Variants in PDE4B observed in about 807,000 individuals in gnomAD.
PDE4B encodes the protein 3',5'-cyclic-AMP phosphodiesterase 4B.
A neutral mutation model predicts 82.2 loss-of-function variants in PDE4B; 20 were observed. That is an observed-to-expected ratio of 0.24 (90% confidence interval 0.17 to 0.35). The LOEUF is 0.35. Among genes scored for constraint, PDE4B ranks in the 10% least tolerant of loss-of-function variants. PDE4B has a pLI of 1.00. For missense variants in PDE4B, 655 were observed against 907.2 expected (o/e 0.72, Z 3.57); for synonymous variants, 320 against 318.9 (o/e 1.00, Z -0.04).
intron 1 of PDE4B, among the ~76,000 whole-genome samples, chr1:65,838,473 C>CTA (rs780110235): frequency 3.4e-5 from 5 of 146,794 alleles, no homozygotes; most frequent in Admixed American, 2.7e-4. Context: ...TAGATTGTCA[C>CTA]TATATATATA....
chr1:66,245,807 C>T (rs919136222), intron 3 of PDE4B, among the ~76,000 whole-genome samples: 2 of 152,200 alleles, frequency 1.3e-5, no homozygotes, highest in Non-Finnish European at 2.9e-5. Flanking sequence ...TCTTATCAGA[C>T]ACCTGGAGTT....
intron 7 of PDE4B, among the ~76,000 whole-genome samples, chr1:66,273,248 A>T (rs1337969009): frequency 6.6e-6 from 1 of 152,186 alleles, no homozygotes; most frequent in Non-Finnish European, 1.5e-5. Context: ...CACTGAATAT[A>T]CATCCCTGAA....
At position 66,321,243 on chromosome 1, in the gene PDE4B, C is replaced by T. The variant is rs570937582; in HGVS notation, c.635-11265C>T. 1.1e-4 allele frequency among the ~76,000 whole-genome samples: 16 copies of T among 152,288 alleles called. 1 individual carries two copies. In the South Asian group the frequency reaches 3.1e-3, roughly 30 times the overall value. On this transcript the variant is annotated intron_variant, in intron 7 of 16. Coordinates refer to ENST00000341517, the MANE Select transcript of PDE4B (RefSeq NM_002600.4). ...ATAAACTGAATGAACTCAAAATACA[C>T]TAACAAAATTACATTTCTGGACCTG...
chr1:66,340,208 A>G (rs1660870542), intron 8 of PDE4B, among the ~76,000 whole-genome samples: 2 of 152,166 alleles, frequency 1.3e-5, no homozygotes, highest in Non-Finnish European at 2.9e-5. Context: ...GTTTCCCTCA[A>G]GTGGTGCCAA....
intron 3 of PDE4B, among the ~76,000 whole-genome samples, chr1:66,164,604 C>T (rs1281022623): frequency 1.4e-5 from 2 of 147,494 alleles, no homozygotes; most frequent in Middle Eastern, 3.6e-3. Flanking sequence ...AAAAGACCAG[C>T]GATCTCTATT....
At chr1:66,115,279 C>T (rs1645573283) in intron 3 of PDE4B, among the ~76,000 whole-genome samples, 1 of 152,164 alleles carries the variant, frequency 6.6e-6, no homozygotes, top group Admixed American at 6.5e-5. Context: ...ACACCAATGC[C>T]CCGTTTTCAC....
intron 3 of PDE4B, among the ~76,000 whole-genome samples, chr1:66,068,412 AT>A (rs1431719244): frequency 6.6e-6 from 1 of 151,978 alleles, no homozygotes; most frequent in Non-Finnish European, 1.5e-5. Context: ...AATTGATAAG[AT>A]TTTGAGAGAA....
At chr1:65,888,030 T>A (rs1646812031) in intron 1 of PDE4B, among the ~76,000 whole-genome samples, 1 of 152,166 alleles carries the variant, frequency 6.6e-6, no homozygotes, top group Non-Finnish European at 1.5e-5. Flanking sequence ...TCTAGACCTA[T>A]GTCCAGAAGT....
At chr1:65,889,359 T>A (rs1387042421) in intron 1 of PDE4B, among the ~76,000 whole-genome samples, 1 of 152,098 alleles carries the variant, frequency 6.6e-6, no homozygotes, top group African/African-American at 2.4e-5. Flanking sequence ...GGATTTATGT[T>A]TCTCTGTTCC....
intron 1 of PDE4B, among the ~76,000 whole-genome samples, chr1:65,872,246 T>TCCC (rs1434919922): frequency 2.6e-5 from 4 of 152,208 alleles, no homozygotes; most frequent in Non-Finnish European, 5.9e-5. Context: ...CTGAAATCAT[T>TCCC]CTCAGGAAAG....
chr1:65,909,319 G>T (rs1003239725), intron 1 of PDE4B, among the ~76,000 whole-genome samples: 7 of 152,050 alleles, frequency 4.6e-5, no homozygotes, highest in African/African-American at 1.7e-4. Context: ...GCATGGTTTT[G>T]TCTAGCATGT....
At chr1:66,107,541 C>G (rs905129119) in intron 3 of PDE4B, among the ~76,000 whole-genome samples, 1 of 151,834 alleles carries the variant, frequency 6.6e-6, no homozygotes, top group Non-Finnish European at 1.5e-5. Flanking sequence ...ACCTGCCTTC[C>G]CATGAGACTT....
chr1:65,965,628 A>G (rs1337295450), intron 3 of PDE4B, among the ~76,000 whole-genome samples: 2 of 152,108 alleles, frequency 1.3e-5, no homozygotes, highest in African/African-American at 4.8e-5. Context: ...TGTAAATATT[A>G]TCAACCAGGA....
At chr1:65,970,522 A>C (rs1237478291) in intron 3 of PDE4B, among the ~76,000 whole-genome samples, 1 of 152,178 alleles carries the variant, frequency 6.6e-6, no homozygotes, top group African/African-American at 2.4e-5. Context: ...TGATTTGGTA[A>C]GGACTTAAAA....
chr1:66,146,518 G>A lies in PDE4B; in HGVS notation c.282-100942G>A, dbSNP rs1041133127. ...TGATTTTATGGACTTAGTCTACCAT[G>A]ACTTTTTCCCTTGGATGAGCAGCTA... On this transcript the variant is annotated intron_variant, in intron 3 of 16. Coordinates refer to ENST00000341517, the MANE Select transcript of PDE4B (RefSeq NM_002600.4). 5.3e-5 allele frequency among the ~76,000 whole-genome samples: 8 copies of A among 152,174 alleles called. No homozygotes were observed. The South Asian group carries it at 1.0e-3, about 20-fold the overall frequency.
chr1:66,193,460 G>A (rs1648000780), intron 3 of PDE4B, among the ~76,000 whole-genome samples: 2 of 152,094 alleles, frequency 1.3e-5, no homozygotes, highest in African/African-American at 4.8e-5. Context: ...TTACTTCGGA[G>A]AAGTCACTGA....
rs17101822 is a variant in PDE4B, at chr1:66,332,143, CAGAG to C, written c.635-360_635-357del. 4 of 1,350,012 alleles carry C rather than the reference CAGAG, an allele frequency of 3.0e-6. No individual in the cohort carries two copies. The East Asian group carries it at 1.1e-4, about 38-fold the overall frequency. 83.6% of individuals were successfully genotyped at this position (1,350,012 alleles called of 1,614,324 possible). On this transcript the variant is annotated intron_variant, in intron 7 of 16. Coordinates refer to ENST00000341517, the MANE Select transcript of PDE4B (RefSeq NM_002600.4). ...CTAAAGAACCCTGGGATGACTAAGG[CAGAG>C]AGAGTCTGAGAAAACTCTTTGGTGC...
intron 3 of PDE4B, among the ~76,000 whole-genome samples, chr1:66,141,531 A>G (rs1338620669): frequency 1.3e-5 from 2 of 151,586 alleles, no homozygotes; most frequent in African/African-American, 4.9e-5. Context: ...AGTGGAGGGG[A>G]CATATGAAGG....
chr1:65,826,860 A>T (rs754992630), intron 1 of PDE4B, among the ~76,000 whole-genome samples: 3 of 152,110 alleles, frequency 2.0e-5, no homozygotes, highest in Non-Finnish European at 4.4e-5. Flanking sequence ...AGAATATTAG[A>T]TGCTTTCCAC....
Sources: allele counts gnomAD v4.1 joint callset (sites outside exome capture counted in the v4.1 genomes callset), GRCh38; gene constraint gnomAD v4.1.1; transcripts MANE v1.5; gene names NCBI Gene and HGNC (gene_info 2026-07-23, HGNC 2026-07-21).